The following PLEKHA7 variants were observed in gnomAD, a reference collection of about 807,000 sequenced individuals.
PLEKHA7 encodes pleckstrin homology domain-containing family A member 7.
A neutral mutation model predicts 170.0 loss-of-function variants in PLEKHA7; 104 were observed. The ratio of observed to expected loss-of-function variants is 0.61; its 90% CI spans 0.52 to 0.72. The LOEUF (loss-of-function observed/expected upper bound fraction) is 0.72, where lower values mean the gene tolerates loss of function less well. Among genes scored for constraint, PLEKHA7 ranks in the 30% least tolerant of loss-of-function variants. The pLI, the probability that PLEKHA7 is intolerant of heterozygous loss-of-function variation, is 0.00. For missense variants in PLEKHA7, 1,615 were observed against 1,671.7 expected (o/e 0.97, Z 0.59); for synonymous variants, 648 against 660.8 (o/e 0.98, Z 0.30).
At chr11:16,826,641 T>G in intron 9 of PLEKHA7, 51 bp from the exon 10 acceptor site, 1 of 1,485,710 alleles carries the variant, frequency 6.7e-7, no homozygotes, top group Non-Finnish European at 9.2e-7. Flanking sequence ...GACTCCATGA[T>G]GAAATGCACT....
At chr11:16,840,063 G>T (rs1183872037) in intron 9 of PLEKHA7, among the ~76,000 whole-genome samples, 1 of 152,116 alleles carries the variant, frequency 6.6e-6, no homozygotes, top group Non-Finnish European at 1.5e-5. Flanking sequence ...GGAAACAATA[G>T]AAAAATGCAG....
At chr11:16,795,592 C>T (rs143945922) in intron 17 of PLEKHA7, among the ~76,000 whole-genome samples, 2 of 151,944 alleles carry the variant, frequency 1.3e-5, no homozygotes, top group Non-Finnish European at 2.9e-5. Flanking sequence ...GAGTTTGAGA[C>T]CAGCCTGGCC....
intron 4 of PLEKHA7, among the ~76,000 whole-genome samples, chr11:16,861,755 T>C (rs1404451901): frequency 6.6e-6 from 1 of 152,144 alleles, no homozygotes; most frequent in African/African-American, 2.4e-5. Context: ...CTTTATCCCA[T>C]TAATTCCTGG....
At chr11:16,851,348 T>G (rs1852938022) in intron 7 of PLEKHA7, 57 bp from the exon 8 acceptor site, 10 of 1,317,400 alleles carry the variant, frequency 7.6e-6, no homozygotes, top group Non-Finnish European at 1.1e-5. Flanking sequence ...TGGGCTCATC[T>G]GTCCCACTGC....
chr11:16,900,032 C>T (rs1857232421), intron 3 of PLEKHA7, among the ~76,000 whole-genome samples: 1 of 152,152 alleles, frequency 6.6e-6, no homozygotes, highest in Admixed American at 6.5e-5. Flanking sequence ...ATCTCTCTCC[C>T]CTTTAGCTGG....
chr11:16,856,313 T>C (rs1853447627), intron 4 of PLEKHA7, among the ~76,000 whole-genome samples: 1 of 152,190 alleles, frequency 6.6e-6, no homozygotes, highest in Admixed American at 6.5e-5. Context: ...TCCATTTCCC[T>C]GGCTCCCAAA....
At chr11:16,800,905 C>A in intron 17 of PLEKHA7, 69 bp downstream of exon 17, 1 of 1,359,082 alleles carries the variant, frequency 7.4e-7, no homozygotes, top group Non-Finnish European at 1.0e-6. Context: ...CAGGTGAAGT[C>A]TCTTGGAAAA....
intron 9 of PLEKHA7, among the ~76,000 whole-genome samples, chr11:16,835,757 C>A (rs1851463119): frequency 1.3e-5 from 2 of 152,172 alleles, no homozygotes; most frequent in African/African-American, 4.8e-5. Context: ...CCAGGTCTAT[C>A]CGATTTCAGA....
chr11:16,894,820 T>C (rs1201722798), intron 3 of PLEKHA7, among the ~76,000 whole-genome samples: 1 of 151,876 alleles, frequency 6.6e-6, no homozygotes, highest in Non-Finnish European at 1.5e-5. Context: ...CCACACAAGG[T>C]AAAAGAGAGA....
intron 4 of PLEKHA7, among the ~76,000 whole-genome samples, chr11:16,857,044 C>A (rs1353670493): frequency 6.6e-6 from 1 of 152,206 alleles, no homozygotes; most frequent in East Asian, 1.9e-4. Flanking sequence ...AAGTCCTTCA[C>A]ACAGACACTT....
At position 17,014,354 on chromosome 11, in the gene PLEKHA7, G is replaced by A. The variant is rs756184313; in HGVS notation, c.48C>T (p.Ser16=). The A allele has an allele frequency of 1.4e-6, 2 of 1,444,492 alleles. No individual in the cohort carries two copies. The highest frequency in any genetic ancestry group is 2.5e-5 in the Admixed American group (1 of 39,962). The allele number at this position is 1,444,492 out of a possible 1,614,324, so 89.5% of individuals were successfully genotyped here. A position where few individuals can be genotyped will look rare whatever the true frequency, so the allele number is the denominator to read the frequency against. Residue 16 remains serine, a synonymous_variant, in exon 1 of 27, where the codon TCC becomes TCT. Transcript: ENST00000531066. ...VGRDTLPEHW[S]YGVCRDGRVF... The stretch of plus-strand genomic sequence containing the variant: ...CGCGGCCATCCCGGCACACCCCGTA[G>A]GACCAATGCTCAGGTAAAGTGTCCC...
Position 16,871,193 on chromosome 11 carries a change from A to G in PLEKHA7, c.222-11T>C, listed in dbSNP as rs1169512411. The G allele has an allele frequency of 6.3e-7, 1 of 1,591,938 alleles. No homozygotes were observed. The highest frequency in any genetic ancestry group is 8.6e-7 in the Non-Finnish European group (1 of 1,160,276). On this transcript the variant is annotated splice_polypyrimidine_tract_variant and intron_variant, in intron 3 of 26. Transcript: ENST00000531066. The stretch of plus-strand genomic sequence containing the variant: ...GTCTGCTGGTTATGGCTAAAGAGAA[A>G]GAGAGAAGATGGATGAGAATTCGTG...
chr11:16,933,150 C>T (rs535853255), intron 3 of PLEKHA7, among the ~76,000 whole-genome samples: 3 of 152,332 alleles, frequency 2.0e-5, no homozygotes, highest in Admixed American at 6.5e-5. Flanking sequence ...TCTGAATTGT[C>T]CTAAGAACTC....
At chr11:17,010,142 C>G (rs1440719929) in intron 3 of PLEKHA7, among the ~76,000 whole-genome samples, 1 of 152,070 alleles carries the variant, frequency 6.6e-6, no homozygotes, top group Non-Finnish European at 1.5e-5. Flanking sequence ...AATCCGAGCA[C>G]TTTGGGAGGC....
chr11:16,981,715 G>C (rs1163723155), intron 3 of PLEKHA7, among the ~76,000 whole-genome samples: 1 of 152,060 alleles, frequency 6.6e-6, no homozygotes, highest in African/African-American at 2.4e-5. Flanking sequence ...GAGGAGGAGT[G>C]GGCCACCAGA....
chr11:16,869,818 G>A (rs1283163801), intron 4 of PLEKHA7, among the ~76,000 whole-genome samples: 1 of 151,756 alleles, frequency 6.6e-6, no homozygotes, highest in Non-Finnish European at 1.5e-5. Context: ...ACTAAGGGAG[G>A]GAAATGCTGT....
intron 24 of PLEKHA7, among the ~76,000 whole-genome samples, chr11:16,784,076 C>A (rs1006774575): frequency 6.6e-6 from 1 of 152,154 alleles, no homozygotes; most frequent in African/African-American, 2.4e-5. Flanking sequence ...AAGGGAAGGG[C>A]GAAATAACTA....
chr11:16,898,377 G>A (rs937169006), intron 3 of PLEKHA7, among the ~76,000 whole-genome samples: 1 of 152,164 alleles, frequency 6.6e-6, no homozygotes, highest in South Asian at 2.1e-4. Context: ...AACTGAGACA[G>A]CCCAAGATTA....
In PLEKHA7 at chr11:16,887,819, G is replaced by A. The variant is rs539692625; in HGVS notation, c.222-16637C>T. On this transcript the variant is annotated intron_variant, in intron 3 of 26. Coordinates refer to ENST00000531066, the MANE Select transcript of PLEKHA7 (RefSeq NM_001329630.2). ...CCAGCCTCTGCCCAGCCGCCACCCC[G>A]TCTGGGAAGTGAGGAGCGTCTCTGC... 3.8e-4 allele frequency among the ~76,000 whole-genome samples: 58 copies of A among 151,956 alleles called. No homozygotes were observed. In the East Asian group the frequency reaches 7.6e-3, roughly 20 times the overall value.
Sources: gnomAD v4.1 joint callset for allele counts (sites outside exome capture counted in the v4.1 genomes callset) on GRCh38, gnomAD v4.1.1 for gene constraint, MANE v1.5 for transcripts, NCBI Gene and HGNC (gene_info 2026-07-23, HGNC 2026-07-21) for gene names.